PRICKLE2: variants seen among roughly 807,000 people sequenced by gnomAD.
The protein encoded by PRICKLE2 is prickle planar cell polarity protein 2.
PRICKLE2 carries 21 observed loss-of-function variants against 81.4 expected under a neutral mutation model. That is an observed-to-expected ratio of 0.26 (90% CI 0.18 to 0.37). The LOEUF (loss-of-function observed/expected upper bound fraction) is 0.37, where lower values mean the gene tolerates loss of function less well. PRICKLE2 is among the 10% of genes least tolerant of loss of function. The probability of loss-of-function intolerance (pLI) is 1.00; values close to 1 mark genes in which losing one functional copy is unlikely to be tolerated. For synonymous variants in PRICKLE2, 456 were observed against 421.5 expected (o/e 1.08, Z -1.00); for missense variants, 940 against 1,109.0 (o/e 0.85, Z 2.16).
At chr3:64,258,692 C>T (rs1462807866) in intron 2 of PRICKLE2, among the ~76,000 whole-genome samples, 35 of 150,688 alleles carry the variant, frequency 2.3e-4, no homozygotes, top group African/African-American at 5.6e-4. Context: ...GGTGTGGTGG[C>T]GGGTGCCTGC....
intron 6 of PRICKLE2, 44 bp downstream of exon 6, chr3:64,153,137 AC>A (rs1361728384): frequency 1.9e-6 from 3 of 1,555,946 alleles, no homozygotes; most frequent in Non-Finnish European, 2.7e-6. Flanking sequence ...AACAAAGGTG[AC>A]CGCATCACAG....
intron 6 of PRICKLE2, among the ~76,000 whole-genome samples, chr3:64,148,865 T>C (rs2077499070): frequency 6.6e-6 from 1 of 152,200 alleles, no homozygotes; most frequent in Non-Finnish European, 1.5e-5. Context: ...CAGCAATACA[T>C]TTCTGTTACT....
intron 2 of PRICKLE2, among the ~76,000 whole-genome samples, chr3:64,236,718 C>T (rs1010462168): frequency 5.9e-5 from 9 of 152,174 alleles, no homozygotes; most frequent in African/African-American, 2.2e-4. Context: ...TGTGTTTGAT[C>T]CTTGGGCTAT....
chr3:64,212,045 C>T (rs1372208227), intron 1 of PRICKLE2, among the ~76,000 whole-genome samples: 1 of 152,120 alleles, frequency 6.6e-6, no homozygotes, highest in African/African-American at 2.4e-5. Flanking sequence ...ACATAGAGAG[C>T]TAATTCAACT....
At chr3:64,221,420 TACACACACACACACACACACACACAC>T (rs71808412) in intron 1 of PRICKLE2, among the ~76,000 whole-genome samples, 7 of 143,830 alleles carry the variant, frequency 4.9e-5, no homozygotes, top group Admixed American at 2.8e-4. Flanking sequence ...GCTTGATTCA[TACACACACACACACACACACACACAC>T]ACACACACAC....
intron 2 of PRICKLE2, among the ~76,000 whole-genome samples, chr3:64,260,590 C>T (rs2079601859): frequency 6.6e-6 from 1 of 152,186 alleles, no homozygotes; most frequent in African/African-American, 2.4e-5. Flanking sequence ...ATAAATAAAC[C>T]ATGGCTTATG....
rs539439658 is a variant in PRICKLE2 at position 64,264,061 on chromosome 3, C to A, written c.129-65094G>T. Among the ~76,000 whole-genome samples the A allele has an allele frequency of 1.6e-4, 25 of 152,138 alleles. No homozygotes were observed. In the South Asian group the frequency reaches 3.8e-3, roughly 23 times the overall value. On this transcript the variant is annotated intron_variant, in intron 2 of 8. Transcript: ENST00000295902. ...AGAGAAGACCGCCCACCCCACCCCCCACTCCACAACCCGCCAACAATCCAC... is the reference window on the plus strand; with the variant it reads ...AGAGAAGACCGCCCACCCCACCCCCAACTCCACAACCCGCCAACAATCCAC...
rs2077473560 is a variant in PRICKLE2, at chr3:64,147,353, G to A, written c.1137C>T (p.Leu379=). The A allele has an allele frequency of 1.9e-6, 3 of 1,614,186 alleles. No individual in the cohort carries two copies. Among genetic ancestry groups the A allele is most frequent in the Non-Finnish European group, 2.5e-6 (3 of 1,180,036 alleles). Residue 379 remains leucine, a synonymous_variant, in exon 7 of 8, where the codon CTC becomes CTT. Coordinates refer to ENST00000638394, the MANE Select transcript of PRICKLE2 (RefSeq NM_198859.4). This position sits in a 1 kb window ranked among gnomAD's most constrained non-coding sequence, Gnocchi z 5.0. ...VDPLSLQMDM[L]SLSSQTPSLN... ...GGCTGGGTGTCTGGCTGGACAGGCT[G>A]AGCATGTCCATCTGCAGTGACAGGG...
At chr3:64,134,344 T>A (rs147759842) in intron 7 of PRICKLE2, among the ~76,000 whole-genome samples, 77 of 152,188 alleles carry the variant, frequency 5.1e-4, no homozygotes, top group African/African-American at 1.8e-3. Flanking sequence ...GCTGAGGAGG[T>A]CCCTTCCCGT....
rs773232842 is a variant in PRICKLE2 at position 64,163,156 on chromosome 3, C to T, written c.145-27G>A. On this transcript the variant is annotated intron_variant, in intron 2 of 7. Coordinates refer to ENST00000638394, the MANE Select transcript of PRICKLE2 (RefSeq NM_198859.4). Reference sequence around the variant, plus strand: ...TGAAGGACAGAAAGCATATAGATGACTTGCCCATTACTCAAACCATGTGCC... The same window carrying T: ...TGAAGGACAGAAAGCATATAGATGATTTGCCCATTACTCAAACCATGTGCC... 2.2e-6 allele frequency: 3 copies of T among 1,359,854 alleles called. No individual in the cohort carries two copies. In the South Asian group the frequency reaches 3.5e-5, roughly 16 times the overall value. The allele number at this position is 1,359,854 out of a possible 1,614,324, so 84.2% of individuals were successfully genotyped here.
At chr3:64,136,349 A>G (rs2077278958) in intron 7 of PRICKLE2, among the ~76,000 whole-genome samples, 1 of 151,394 alleles carries the variant, frequency 6.6e-6, no homozygotes, top group African/African-American at 2.4e-5. Flanking sequence ...TAGTGAACCT[A>G]TGAGTTCTCT....
intron 2 of PRICKLE2, among the ~76,000 whole-genome samples, chr3:64,247,507 C>G (rs1037064902): frequency 6.6e-6 from 1 of 152,158 alleles, no homozygotes; most frequent in South Asian, 2.1e-4. Flanking sequence ...TCTCCTGTAT[C>G]TTACTGAATC....
chr3:64,227,332 C>T (rs1240192888), upstream of PRICKLE2, among the ~76,000 whole-genome samples: 1 of 152,130 alleles, frequency 6.6e-6, no homozygotes, highest in Admixed American at 6.5e-5. Context: ...GTTTGGGGCC[C>T]CCAGTAGCCA....
intron 1 of PRICKLE2, among the ~76,000 whole-genome samples, chr3:64,219,082 T>C (rs1256793592): frequency 1.3e-5 from 2 of 152,148 alleles, no homozygotes; most frequent in Non-Finnish European, 2.9e-5. Flanking sequence ...TCTGGGGGGC[T>C]ACCACTTCTC....
chr3:64,232,606 C>T (rs984627384), intron 2 of PRICKLE2, among the ~76,000 whole-genome samples: 1 of 147,354 alleles, frequency 6.8e-6, no homozygotes, highest in Non-Finnish European at 1.5e-5. Flanking sequence ...TGCTGGAGAA[C>T]CTGCGGCTAA....
chr3:64,101,892 T>G (rs1020157598), intron 7 of PRICKLE2: 1 of 152,202 alleles, frequency 6.6e-6, no homozygotes, highest in Admixed American at 6.5e-5. Context: ...AATTAGTAAC[T>G]AAACAAAGGT....
intron 2 of PRICKLE2, among the ~76,000 whole-genome samples, chr3:64,234,709 G>A (rs921405687): frequency 2.0e-5 from 3 of 151,924 alleles, no homozygotes; most frequent in African/African-American, 4.8e-5. Flanking sequence ...CTTCAGTTCC[G>A]CTTTTTAAGA....
intron 2 of PRICKLE2, among the ~76,000 whole-genome samples, chr3:64,233,424 TCTC>T (rs1433754363): frequency 1.3e-5 from 2 of 152,242 alleles, no homozygotes; most frequent in Non-Finnish European, 2.9e-5. Context: ...TCCGACACTA[TCTC>T]CTGCTACTGT....
chr3:64,219,399 G>A (rs1055299715), intron 1 of PRICKLE2, among the ~76,000 whole-genome samples: 2 of 152,116 alleles, frequency 1.3e-5, no homozygotes, highest in South Asian at 2.1e-4. Context: ...CCCTCTCTCC[G>A]AACTCCCATC....
Sources: gnomAD v4.1 joint callset for allele counts (sites outside exome capture counted in the v4.1 genomes callset) on GRCh38, gnomAD v4.1.1 for gene constraint, Gnocchi (gnomAD v3.1) non-coding constraint, MANE v1.5 for transcripts, NCBI Gene and HGNC (gene_info 2026-07-23, HGNC 2026-07-21) for gene names.